Variants in NCF2 observed in about 807,000 individuals in gnomAD.
The protein encoded by NCF2 is neutrophil cytosol factor 2.
A neutral mutation model predicts 70.9 loss-of-function variants in NCF2; 45 were observed. The observed-to-expected ratio is 0.63, with a 90% CI of 0.50 to 0.81. NCF2 has a LOEUF of 0.81. Among genes scored for constraint, NCF2 ranks in the 40% least tolerant of loss-of-function variants. The pLI is 0.00. For synonymous variants in NCF2, 203 were observed against 233.6 expected (o/e 0.87, Z 1.19); for missense variants, 522 against 631.6 (o/e 0.83, Z 1.86).
chr1:183,561,315 T>C (rs1053937996), intron 13 of NCF2, among the ~76,000 whole-genome samples: 4 of 152,210 alleles, frequency 2.6e-5, no homozygotes, highest in African/African-American at 9.6e-5. Context: ...TATATTTTTA[T>C]TGAGAGGCAA....
chr1:183,556,557 A>G (rs1281133126), intron 14 of NCF2, among the ~76,000 whole-genome samples: 1 of 152,188 alleles, frequency 6.6e-6, no homozygotes, highest in African/African-American at 2.4e-5. Context: ...CAACCTTGAC[A>G]GGGTCTCACT....
intron 2 of NCF2, among the ~76,000 whole-genome samples, chr1:183,584,089 G>T (rs1355329743): frequency 6.6e-6 from 1 of 152,058 alleles, no homozygotes; most frequent in East Asian, 1.9e-4. Context: ...GACATTCCCT[G>T]GATGGATCTC....
rs1038329001 is a variant in NCF2 at position 183,556,153 on chromosome 1, T to C, written c.1546A>G (p.Thr516Ala). The C allele has an allele frequency of 8.7e-6, 14 of 1,614,220 alleles. No individual in the cohort carries two copies. The highest frequency in any genetic ancestry group is 5.0e-5 in the Admixed American group (3 of 60,026). The change falls in exon 15 of 15, where the codon ACT (threonine) becomes GCT (alanine). Residue 516 changes from threonine to alanine, a missense_variant. Coordinates refer to ENST00000367535, the MANE Select transcript of NCF2 (RefSeq NM_000433.4). The stretch of plus-strand genomic sequence containing the variant: ...CTCCGAGTGCTTTCCAAATCTGTAG[T>C]TGCGCAGTCTTCAACAAAAACTTTG... ...FPKVFVEDCA[T>A]TDLESTRREV
chr1:183,563,634 C>CT, intron 11 of NCF2, 49 bp from the exon 12 acceptor site: 1 of 1,609,660 alleles, frequency 6.2e-7, no homozygotes, highest in Non-Finnish European at 8.5e-7. Flanking sequence ...GAGGCTTTCT[C>CT]TCAACATCCT....
the NCF2 span, among the ~76,000 whole-genome samples, chr1:183,599,432 T>TTCTTTCTTTC: frequency 1.1e-5 from 1 of 89,548 alleles, no homozygotes; most frequent in Non-Finnish European, 2.5e-5. Flanking sequence ...CCTTCTTTCT[T>TTCTTTCTTTC]TCTTTCTTTC....
intron 1 of NCF2, 118 bp from the exon 2 acceptor site, chr1:183,587,095 T>TG: frequency 2.1e-6 from 2 of 960,006 alleles, no homozygotes; most frequent in Non-Finnish European, 3.4e-6. Flanking sequence ...TCTGCCCTCG[T>TG]CGGCACCTCG....
chr1:183,589,646 TAA>T lies in NCF2; in HGVS notation c.174+508_174+509del, dbSNP rs145455213. The stretch of plus-strand genomic sequence containing the variant: ...TTCCTCTTGCCAGCCTCAGCATCTT[TAA>T]AAGAGTCTCCTTTATAATTGATCAG... On this transcript the variant is annotated intron_variant, in intron 1 of 14. Coordinates refer to ENST00000367535, the MANE Select transcript of NCF2 (RefSeq NM_000433.4). 1.9e-3 allele frequency among the ~76,000 whole-genome samples: 283 copies of T among 152,344 alleles called. 5 individuals are homozygous for T. The East Asian group carries it at 0.052, about 28-fold the overall frequency.
At chr1:183,573,394 C>G in intron 4 of NCF2, 102 bp from the exon 5 acceptor site, 3 of 1,086,964 alleles carry the variant, frequency 2.8e-6, no homozygotes, top group Non-Finnish European at 4.2e-6. Flanking sequence ...TTGAGATAAC[C>G]ACATAGAAGC....
Position 183,574,608 on chromosome 1 carries a change from A to G in NCF2, c.380T>C (p.Ile127Thr). The change falls in exon 4 of 15, where the codon ATT (isoleucine) becomes ACT (threonine). Residue 127 changes from isoleucine to threonine, a missense_variant. Ile to Thr is a moderately conservative substitution (Grantham distance 89). Coordinates refer to ENST00000367535, the MANE Select transcript of NCF2 (RefSeq NM_000433.4). Reference sequence around the variant, plus strand: ...CTCCTTCTTGGCATACATGAAAGCAATGTTATATAACACCTAGAAAAGTAC... The same window carrying G: ...CTCCTTCTTGGCATACATGAAAGCAGTGTTATATAACACCTAGAAAAGTAC... ...KLFACEVLYNIAFMYAKKEEW... is the reference protein window; with the variant it reads ...KLFACEVLYNTAFMYAKKEEW... 1 of 1,614,170 alleles carries G rather than the reference A, an allele frequency of 6.2e-7. No homozygotes were observed. Among genetic ancestry groups the G allele is most frequent in the Non-Finnish European group, 8.5e-7 (1 of 1,180,024 alleles).
intron 13 of NCF2, among the ~76,000 whole-genome samples, chr1:183,561,598 C>T (rs917266392): frequency 6.6e-5 from 10 of 151,798 alleles, no homozygotes; most frequent in African/African-American, 2.4e-4. Context: ...AGAGTAGATG[C>T]TTAATAAATG....
At chr1:183,594,059 A>G (rs1225810665), upstream of NCF2, among the ~76,000 whole-genome samples, 1 of 152,248 alleles carries the variant, frequency 6.6e-6, no homozygotes, top group Non-Finnish European at 1.5e-5. Flanking sequence ...AGAAAAGAGA[A>G]TGGAAAATTA....
At chr1:183,581,739 G>C (rs1459638437) in intron 2 of NCF2, among the ~76,000 whole-genome samples, 1 of 151,864 alleles carries the variant, frequency 6.6e-6, no homozygotes, top group Non-Finnish European at 1.5e-5. Context: ...CGCGATCTCG[G>C]CTCACTGGAA....
Position 183,570,772 on chromosome 1 carries a change from T to C in NCF2, c.669+8A>G. On this transcript the variant is annotated splice_region_variant and intron_variant, in intron 6 of 14. Coordinates refer to ENST00000367535, the MANE Select transcript of NCF2 (RefSeq NM_000433.4). ...CTAGGTCCATGGAGAAGGTCAGGAC[T>C]GCCTTACCTGTGGTTGCAGAGGGGC... 6.2e-7 allele frequency: 1 copy of C among 1,613,910 alleles called. No homozygotes were observed. Among genetic ancestry groups the C allele is most frequent in the Non-Finnish European group, 8.5e-7 (1 of 1,179,752 alleles).
chr1:183,575,442 G>A (rs554976181), intron 3 of NCF2, among the ~76,000 whole-genome samples: 1 of 150,968 alleles, frequency 6.6e-6, no homozygotes, highest in African/African-American at 2.5e-5. Context: ...ACCTCAGGTG[G>A]GGGGGGAATG....
At chr1:183,579,564 A>G (rs1409197176) in intron 2 of NCF2, among the ~76,000 whole-genome samples, 1 of 151,554 alleles carries the variant, frequency 6.6e-6, no homozygotes, top group Non-Finnish European at 1.5e-5. Flanking sequence ...ATCTCTACTA[A>G]AAATAAAAAA....
chr1:183,563,479 A>G lies in NCF2; in HGVS notation c.1133T>C (p.Met378Thr). ...PGLPYSQVRD[M>T]VSKKLELRLE... ...CCGGAGCTCCAGTTTCTTAGACACC[A>G]TGTCCCGGACCTGGCTGTAGGGGAG... is the stretch of plus-strand genomic sequence containing the variant. Residue 378 changes from methionine (M) to threonine (T), a missense_variant, in exon 12 of 15, where the codon ATG becomes ACG. Met to Thr is a moderately conservative substitution (Grantham distance 81, BLOSUM62 -1). Coordinates refer to ENST00000367535, the MANE Select transcript of NCF2 (RefSeq NM_000433.4). 1.2e-6 allele frequency: 2 copies of G among 1,614,154 alleles called. No individual in the cohort carries two copies. Among genetic ancestry groups the G allele is most frequent in the Non-Finnish European group, 1.7e-6 (2 of 1,180,018 alleles).
chr1:183,566,437 T>G (rs1399024241), intron 9 of NCF2, among the ~76,000 whole-genome samples: 2 of 152,208 alleles, frequency 1.3e-5, no homozygotes, highest in Non-Finnish European at 2.9e-5. Flanking sequence ...AGAGGTGGCA[T>G]CTCTCTATTT....
At position 183,556,108 on chromosome 1, in the gene NCF2, G is replaced by A. The variant is rs1397557423; in HGVS notation, c.*10C>T. The stretch of plus-strand genomic sequence containing the variant: ...TTCATTTTCTTCAGCTTTGTAGTTT[G>A]TGAAACATCCTAGACTTCTCTCCGA... On this transcript the variant is annotated 3_prime_UTR_variant, in exon 15 of 15. Transcript: ENST00000367535. 6.2e-7 allele frequency: 1 copy of A among 1,607,986 alleles called. No homozygotes were observed. The highest frequency in any genetic ancestry group is 1.7e-5 in the Admixed American group (1 of 60,008).
the NCF2 span, among the ~76,000 whole-genome samples, chr1:183,600,547 C>T: frequency 1.3e-5 from 2 of 152,178 alleles, no homozygotes; most frequent in East Asian, 3.8e-4. Flanking sequence ...CCAGTGTTCC[C>T]ATCCATTTCC....
Sources: allele counts gnomAD v4.1 joint callset (sites outside exome capture counted in the v4.1 genomes callset), GRCh38; gene constraint gnomAD v4.1.1; transcripts MANE v1.5; gene names NCBI Gene and HGNC (gene_info 2026-07-23, HGNC 2026-07-21).